Variants in EHBP1 observed in about 807,000 individuals in gnomAD.
EHBP1 encodes the protein EH domain binding protein 1.
Under a neutral mutation model 144.0 loss-of-function variants are expected in EHBP1, and 55 were observed. The ratio of observed to expected loss-of-function variants is 0.38; its 90% confidence interval spans 0.31 to 0.48. EHBP1 has a LOEUF of 0.48. Ranked by LOEUF, EHBP1 falls within the 20% of genes least tolerant of loss-of-function variation. EHBP1 has a pLI of 0.98. For missense variants in EHBP1, 1,200 were observed against 1,364.2 expected, an observed-to-expected ratio of 0.88 and a Z score of 1.90; for synonymous variants, 469 against 472.7, an observed-to-expected ratio of 0.99 and a Z score of 0.10.
intron 19 of EHBP1, among the ~76,000 whole-genome samples, chr2:63,012,985 G>T (rs2153234421): frequency 6.6e-6 from 1 of 152,182 alleles, no homozygotes; most frequent in South Asian, 2.1e-4. Flanking sequence ...GAGGAAAAAA[G>T]AAAAGAAAAT....
At chr2:62,984,799 C>A (rs17027558) in intron 15 of EHBP1, among the ~76,000 whole-genome samples, 2,896 of 152,194 alleles carry the variant, frequency 0.019, 64 homozygotes, top group African/African-American at 0.057. Context: ...ATTGAGTTAA[C>A]CCACTCAGCA....
At chr2:62,725,902 A>C (rs1206777402) in intron 2 of EHBP1, among the ~76,000 whole-genome samples, 1 of 152,104 alleles carries the variant, frequency 6.6e-6, no homozygotes, top group African/African-American at 2.4e-5. Context: ...GCTCTCCACC[A>C]GTCAAGCACT....
chr2:62,770,098 C>G (rs1371319362), intron 4 of EHBP1, among the ~76,000 whole-genome samples: 1 of 152,114 alleles, frequency 6.6e-6, no homozygotes, highest in Admixed American at 6.6e-5. Flanking sequence ...CCTTCCTGAA[C>G]ATAGGAACTG....
intron 21 of EHBP1, chr2:63,044,835 G>T (rs2061873215): frequency 2.3e-6 from 1 of 444,016 alleles, no homozygotes; most frequent in Non-Finnish European, 4.2e-6. Flanking sequence ...TTCTAAGCAG[G>T]TTCCAACACT....
rs397936534 is a variant in EHBP1 at position 62,683,658 on chromosome 2, C to CAAA, written c.-296+9597_-296+9599dup. ...TGGGCGAAAGAGCGAGACTCCATCT[C>CAAA]AAAAAAAAAAAAAAAAAAAAAAAAG... On this transcript the variant is annotated intron_variant, in intron 1 of 22. Coordinates refer to the EHBP1 transcript ENST00000405015. Among the ~76,000 whole-genome samples the CAAA allele has an allele frequency of 3.9e-3, 193 of 49,796 alleles. 1 individual carries two copies. Among genetic ancestry groups the CAAA allele is most frequent in the Middle Eastern group, 0.014 (1 of 72 alleles). 32.7% of individuals were successfully genotyped at this position (49,796 alleles called of 152,430 possible).
intron 14 of EHBP1, among the ~76,000 whole-genome samples, chr2:62,966,133 G>T (rs993537751): frequency 6.6e-6 from 1 of 152,126 alleles, no homozygotes; most frequent in African/African-American, 2.4e-5. Flanking sequence ...TCACTTCACT[G>T]TTTTGATAAT....
At chr2:62,863,216 C>T (rs2049734033) in intron 8 of EHBP1, among the ~76,000 whole-genome samples, 1 of 152,022 alleles carries the variant, frequency 6.6e-6, no homozygotes, top group South Asian at 2.1e-4. Context: ...ACTGGGGAGG[C>T]GGAGGTTGCA....
intron 2 of EHBP1, among the ~76,000 whole-genome samples, chr2:62,709,193 G>A (rs954245512): frequency 6.6e-6 from 1 of 152,110 alleles, no homozygotes; most frequent in African/African-American, 2.4e-5. Flanking sequence ...AGGGAATGGA[G>A]AGAATTAACT....
chr2:62,959,687 G>A (rs2057900021), intron 14 of EHBP1, among the ~76,000 whole-genome samples: 1 of 152,112 alleles, frequency 6.6e-6, no homozygotes, highest in African/African-American at 2.4e-5. Flanking sequence ...CTTCTTTGAA[G>A]AAATGTCTAT....
intron 15 of EHBP1, among the ~76,000 whole-genome samples, chr2:62,986,971 A>G (rs571884385): frequency 5.3e-5 from 8 of 152,252 alleles, no homozygotes; most frequent in Admixed American, 4.6e-4. Context: ...CACTACTAAT[A>G]AAAGTTGCCC....
At chr2:62,903,352 G>A (rs2053557984) in intron 10 of EHBP1, among the ~76,000 whole-genome samples, 1 of 152,008 alleles carries the variant, frequency 6.6e-6, no homozygotes, top group Admixed American at 6.6e-5. Flanking sequence ...AATGCCTATA[G>A]TTCTAATTTT....
At chr2:62,677,737 G>A (rs1338665337) in intron 1 of EHBP1, among the ~76,000 whole-genome samples, 1 of 152,092 alleles carries the variant, frequency 6.6e-6, no homozygotes, top group Non-Finnish European at 1.5e-5. Flanking sequence ...AACATGCAAA[G>A]TTTGTGTTTC....
At position 62,874,493 on chromosome 2, in the gene EHBP1, C is replaced by T; in HGVS notation, c.1146C>T (p.Asn382=). Residue 382 remains asparagine, a synonymous_variant, in exon 10 of 23, where the codon AAC becomes AAT. Coordinates refer to ENST00000431489, the MANE Select transcript of EHBP1 (RefSeq NM_001142616.3). Reference sequence around the variant, plus strand: ...CAAAAACAGGAGTATTAAATGAAAACACAGTTTCTGCAGGAAAAGATCTCT... The same window carrying T: ...CAAAAACAGGAGTATTAAATGAAAATACAGTTTCTGCAGGAAAAGATCTCT... ...LSPKTGVLNE[N]TVSAGKDLST... The T allele has an allele frequency of 6.2e-7, 1 of 1,607,378 alleles. No individual in the cohort carries two copies. The highest frequency in any genetic ancestry group is 8.5e-7 in the Non-Finnish European group (1 of 1,177,196).
intron 7 of EHBP1, among the ~76,000 whole-genome samples, chr2:62,837,783 G>C (rs1264828071): frequency 2.0e-5 from 3 of 152,266 alleles, no homozygotes; most frequent in African/African-American, 7.2e-5. Flanking sequence ...TCAAAAAGAA[G>C]AGCTAATTAT....
intron 5 of EHBP1, among the ~76,000 whole-genome samples, chr2:62,813,014 A>G (rs1356285163): frequency 1.3e-5 from 2 of 152,194 alleles, no homozygotes; most frequent in East Asian, 1.9e-4. Flanking sequence ...CATCAAGATA[A>G]TGAGAGAATA....
intron 10 of EHBP1, among the ~76,000 whole-genome samples, chr2:62,907,804 A>G (rs2053920619): frequency 6.6e-6 from 1 of 152,190 alleles, no homozygotes; most frequent in African/African-American, 2.4e-5. Context: ...TCTTTGGTGA[A>G]ATGTCTGTCA....
intron 2 of EHBP1, among the ~76,000 whole-genome samples, chr2:62,738,461 C>A (rs1164401139): frequency 6.6e-6 from 1 of 152,146 alleles, no homozygotes. Context: ...CTTAAACTTA[C>A]CTGTTACCTC....
chr2:62,896,917 A>T (rs929910013), intron 10 of EHBP1, among the ~76,000 whole-genome samples: 1 of 152,204 alleles, frequency 6.6e-6, no homozygotes, highest in African/African-American at 2.4e-5. Flanking sequence ...CTTCAGCAAC[A>T]TTTAATGTAG....
chr2:62,869,386 A>G (rs1183286976), intron 9 of EHBP1, among the ~76,000 whole-genome samples: 1 of 152,224 alleles, frequency 6.6e-6, no homozygotes, highest in Admixed American at 6.5e-5. Context: ...AATGGGAACA[A>G]TTCAAATATC....
Sources: allele counts gnomAD v4.1 joint callset (sites outside exome capture counted in the v4.1 genomes callset), GRCh38; gene constraint gnomAD v4.1.1; transcripts MANE v1.5; gene names NCBI Gene and HGNC (gene_info 2026-07-23, HGNC 2026-07-21).